The following DPP6 variants were observed in gnomAD, a reference collection of about 807,000 sequenced individuals.
DPP6 encodes dipeptidyl peptidase like 6, also known as A-type potassium channel modulatory protein DPP6.
Under a neutral mutation model 122.6 loss-of-function variants are expected in DPP6, and 69 were observed. The ratio of observed to expected loss-of-function variants is 0.56; its 90% confidence interval spans 0.46 to 0.69. The LOEUF is 0.69. Ranked by LOEUF, DPP6 falls within the 30% of genes least tolerant of loss-of-function variation. DPP6 has a pLI of 0.00. For synonymous variants in DPP6, 418 were observed against 433.1 expected (o/e 0.97, Z 0.43); for missense variants, 928 against 1,116.9 (o/e 0.83, Z 2.41).
At chr7:154,582,507 C>T (rs1194238505) in intron 5 of DPP6, among the ~76,000 whole-genome samples, 1 of 152,036 alleles carries the variant, frequency 6.6e-6, no homozygotes, top group Admixed American at 6.6e-5. Context: ...GGGAGGAAGC[C>T]CCTCACCTCG....
intron 1 of DPP6, among the ~76,000 whole-genome samples, chr7:154,356,898 G>A (rs1255354245): frequency 6.6e-6 from 1 of 152,094 alleles, no homozygotes; most frequent in African/African-American, 2.4e-5. Flanking sequence ...GAATTTTGTT[G>A]AAATTTGACA....
At chr7:154,669,273 G>A (rs1307674505) in intron 6 of DPP6, 87 bp from the exon 7 acceptor site, 4 of 1,546,674 alleles carry the variant, frequency 2.6e-6, no homozygotes, top group African/African-American at 2.7e-5. Flanking sequence ...AAGGAGTTAA[G>A]TTATAGGTAG....
At chr7:154,737,110 A>G (rs1377152514) in intron 8 of DPP6, among the ~76,000 whole-genome samples, 1 of 152,232 alleles carries the variant, frequency 6.6e-6, no homozygotes, top group Admixed American at 6.5e-5. Flanking sequence ...ATTCATGCTA[A>G]GTCATAGTTC....
At position 153,980,348 on chromosome 7, in the gene DPP6, A is replaced by G. The variant is rs559328390; in HGVS notation, c.51+92614A>G. 9.2e-5 allele frequency among the ~76,000 whole-genome samples: 14 copies of G among 152,232 alleles called. 1 individual carries two copies. In the South Asian group the frequency reaches 2.7e-3, roughly 29 times the overall value. ...TTATTTGCATAGAGGTGTTTATAAT[A>G]TTCTCTGATGGTAGTGTGTATTTTG... On this transcript the variant is annotated intron_variant, in intron 1 of 25. Coordinates refer to the DPP6 transcript ENST00000404039.
intron 2 of DPP6, among the ~76,000 whole-genome samples, chr7:154,459,755 G>A (rs1345414571): frequency 1.0e-4 from 13 of 129,690 alleles, no homozygotes; most frequent in African/African-American, 3.0e-4. Context: ...AGGCTGAGCC[G>A]AGATCATACC....
At chr7:153,811,972 CAA>C in the DPP6 span, among the ~76,000 whole-genome samples, 4 of 152,114 alleles carry the variant, frequency 2.6e-5, no homozygotes, top group Non-Finnish European at 2.9e-5. Context: ...GGACTGAAAA[CAA>C]AGTCAAGTGT....
chr7:154,613,684 CTTGT>C (rs1053703238), intron 5 of DPP6, among the ~76,000 whole-genome samples: 4 of 140,750 alleles, frequency 2.8e-5, no homozygotes, highest in African/African-American at 8.1e-5. Context: ...AAATCAGACA[CTTGT>C]TTGAGTCACA....
At chr7:153,930,149 A>G (rs751285968) in intron 1 of DPP6, among the ~76,000 whole-genome samples, 8 of 152,230 alleles carry the variant, frequency 5.3e-5, no homozygotes, top group Non-Finnish European at 1.0e-4. Context: ...TGCTGGCTAC[A>G]GTGTGAAGCA....
At chr7:154,673,630 CTGAGGACCCA>C (rs1838704934) in intron 7 of DPP6, among the ~76,000 whole-genome samples, 2 of 152,256 alleles carry the variant, frequency 1.3e-5, no homozygotes, top group South Asian at 2.1e-4. Flanking sequence ...CAAACGTTTG[CTGAGGACCCA>C]GGATGTGATC....
chr7:154,708,305 C>T (rs1276769596), intron 7 of DPP6, among the ~76,000 whole-genome samples: 2 of 152,182 alleles, frequency 1.3e-5, no homozygotes, highest in African/African-American at 4.8e-5. Context: ...CCAGCAGTCT[C>T]TTCATGTAAT....
chr7:154,475,095 C>T, intron 3 of DPP6, 58 bp downstream of exon 3: 1 of 1,310,160 alleles, frequency 7.6e-7, no homozygotes, highest in South Asian at 1.2e-5. Flanking sequence ...CCCCCACTTT[C>T]AATAGGTTGG....
intron 1 of DPP6, among the ~76,000 whole-genome samples, chr7:154,335,240 G>A (rs557714353): frequency 2.0e-5 from 3 of 152,222 alleles, no homozygotes; most frequent in South Asian, 2.1e-4. Context: ...TTTTTGTTAC[G>A]GCTTATTGCA....
chr7:154,680,543 G>C (rs6976134), intron 7 of DPP6, among the ~76,000 whole-genome samples: 16,193 of 152,100 alleles, frequency 0.11, 937 homozygotes, highest in East Asian at 0.15. Flanking sequence ...ACAATAGCAG[G>C]ACTAAAAATA....
At chr7:154,010,837 G>C (rs1390617478) in intron 1 of DPP6, among the ~76,000 whole-genome samples, 3 of 152,136 alleles carry the variant, frequency 2.0e-5, no homozygotes, top group Non-Finnish European at 2.9e-5. Context: ...GACTTGTGCC[G>C]AATTCCATTT....
intron 1 of DPP6, among the ~76,000 whole-genome samples, chr7:153,936,029 C>T (rs1473123168): frequency 1.4e-5 from 2 of 147,502 alleles, no homozygotes; most frequent in African/African-American, 2.4e-5. Flanking sequence ...TCTAATGTCA[C>T]GTGAAGCCCT....
the DPP6 span, among the ~76,000 whole-genome samples, chr7:153,875,645 T>C: frequency 6.6e-6 from 1 of 152,006 alleles, no homozygotes; most frequent in Non-Finnish European, 1.5e-5. Flanking sequence ...TATAAGATTC[T>C]AATTAAGAAT....
intron 6 of DPP6, among the ~76,000 whole-genome samples, chr7:154,653,555 TAATA>T (rs1323017406): frequency 1.3e-5 from 2 of 152,020 alleles, no homozygotes; most frequent in African/African-American, 2.4e-5. Context: ...TATAGATAGA[TAATA>T]AATCAATCCA....
At chr7:153,946,518 C>T (rs182582962) in intron 1 of DPP6, among the ~76,000 whole-genome samples, 22 of 152,208 alleles carry the variant, frequency 1.4e-4, no homozygotes, top group East Asian at 1.2e-3. Context: ...GGGTTTTAGA[C>T]GGCTTCTTTA....
intron 1 of DPP6, among the ~76,000 whole-genome samples, chr7:154,440,647 C>T (rs527425359): frequency 5.3e-5 from 8 of 152,276 alleles, no homozygotes; most frequent in African/African-American, 1.7e-4. Flanking sequence ...GGGAGCGAGA[C>T]ATTGTCTTCT....
Sources: allele counts gnomAD v4.1 joint callset (sites outside exome capture counted in the v4.1 genomes callset), GRCh38; gene constraint gnomAD v4.1.1; transcripts MANE v1.5; gene names NCBI Gene and HGNC (gene_info 2026-07-23, HGNC 2026-07-21).